Variants in NT5E observed in about 807,000 individuals in gnomAD.
NT5E encodes the protein 5'-nucleotidase ecto.
A neutral mutation model predicts 55.1 loss-of-function variants in NT5E; 53 were observed. The ratio of observed to expected loss-of-function variants is 0.96; its 90% CI spans 0.77 to 1.21. The LOEUF (loss-of-function observed/expected upper bound fraction) is 1.21. Among genes scored for constraint, NT5E ranks in the 50% most tolerant of loss-of-function variants. The pLI is 0.00. For synonymous variants in NT5E, 270 were observed against 278.4 expected, an observed-to-expected ratio of 0.97 and a Z score of 0.30; for missense variants, 683 against 724.3, an observed-to-expected ratio of 0.94 and a Z score of 0.65.
intron 3 of NT5E, among the ~76,000 whole-genome samples, chr6:85,484,413 A>G (rs1769608047): frequency 6.6e-6 from 1 of 152,134 alleles, no homozygotes; most frequent in South Asian, 2.1e-4. Flanking sequence ...ACCCTCCTGC[A>G]TACTCTCCAC....
chr6:85,455,803 CAGTT>C (rs1768977038), intron 1 of NT5E, among the ~76,000 whole-genome samples: 1 of 152,268 alleles, frequency 6.6e-6, no homozygotes, highest in African/African-American at 2.4e-5. Context: ...ATAGGACACT[CAGTT>C]TGTGTTTTCT....
At chr6:85,456,471 CT>C (rs1188153358) in intron 1 of NT5E, among the ~76,000 whole-genome samples, 2 of 152,188 alleles carry the variant, frequency 1.3e-5, no homozygotes, top group Non-Finnish European at 2.9e-5. Context: ...GCATTTGAGC[CT>C]TCTCACTTGT....
At chr6:85,484,715 A>G (rs926371760) in intron 3 of NT5E, among the ~76,000 whole-genome samples, 2 of 152,176 alleles carry the variant, frequency 1.3e-5, no homozygotes, top group Non-Finnish European at 2.9e-5. Flanking sequence ...ATTCCCTTAT[A>G]AGGGAAAAAA....
chr6:85,491,184 C>T, intron 7 of NT5E: 1 of 463,572 alleles, frequency 2.2e-6, no homozygotes. Flanking sequence ...GAAAACCTTT[C>T]CTGTTTATCT....
intron 1 of NT5E, among the ~76,000 whole-genome samples, chr6:85,454,665 T>C (rs1768953460): frequency 6.6e-6 from 1 of 152,232 alleles, no homozygotes; most frequent in Non-Finnish European, 1.5e-5. Context: ...TTTCTTGTAA[T>C]TGAATTAATC....
At chr6:85,468,779 G>A (rs896236488) in intron 2 of NT5E, among the ~76,000 whole-genome samples, 12 of 152,286 alleles carry the variant, frequency 7.9e-5, no homozygotes, top group African/African-American at 2.6e-4. Context: ...GGAGGTAGGA[G>A]GTGCAGGTCT....
Position 85,494,059 on chromosome 6 carries a change from C to T in NT5E, c.*55C>T. The stretch of plus-strand genomic sequence containing the variant: ...AAACTGCATTTTTTCAAGTGAGATT[C>T]AAATCTGCCTTTTAGGACCTGGCTT... On this transcript the variant is annotated 3_prime_UTR_variant, in exon 9 of 9. Transcript: ENST00000257770. The T allele has an allele frequency of 1.9e-6, 3 of 1,571,670 alleles. No individual in the cohort carries two copies. The highest frequency in any genetic ancestry group is 2.6e-6 in the Non-Finnish European group (3 of 1,144,396).
In NT5E at chr6:85,473,269, G is replaced by A. The variant is rs111263322; in HGVS notation, c.751+1844G>A. ...TTTCAATGCCTGATTACCCTCATCT[G>A]TGGAATGAAGGTGATAACAACAGTA... On this transcript the variant is annotated intron_variant, in intron 3 of 8. Coordinates refer to ENST00000257770, the MANE Select transcript of NT5E (RefSeq NM_002526.4). Among the ~76,000 whole-genome samples the A allele has an allele frequency of 6.2e-3, 950 of 152,286 alleles. 7 individuals carry two copies. Among genetic ancestry groups the A allele is most frequent in the African/African-American group, 0.022 (901 of 41,546 alleles).
At chr6:85,492,915 G>A (rs1375683180) in intron 8 of NT5E, among the ~76,000 whole-genome samples, 2 of 152,170 alleles carry the variant, frequency 1.3e-5, no homozygotes, top group African/African-American at 2.4e-5. Context: ...CAAGGAGCGT[G>A]GAGGGCAGGA....
intron 1 of NT5E, 28 bp from the exon 2 acceptor site, chr6:85,467,032 T>A: frequency 6.3e-7 from 1 of 1,595,436 alleles, no homozygotes; most frequent in Non-Finnish European, 8.6e-7. Flanking sequence ...AAGCACCTAA[T>A]TCTTTTTCTC....
At position 85,492,013 on chromosome 6, in the gene NT5E, G is replaced by A. The variant is rs745585679; in HGVS notation, c.1397G>A (p.Gly466Glu). The change falls in exon 8 of 9, where the codon GGA becomes GAA. Residue 466 changes from glycine (G) to glutamate (E), a missense_variant. Transcript: ENST00000257770. ...GTGTATGATCTTTCCCGAAAACCTGGAGACAGAGTAGTCAAATTAGATGTT... is the reference window on the plus strand; with the variant it reads ...GTGTATGATCTTTCCCGAAAACCTGAAGACAGAGTAGTCAAATTAGATGTT... ...HVVYDLSRKPGDRVVKLDVLC... is the reference protein window; with the variant it reads ...HVVYDLSRKPEDRVVKLDVLC... 4.3e-6 allele frequency: 7 copies of A among 1,614,170 alleles called. No homozygotes were observed. In the East Asian group the frequency reaches 1.6e-4, roughly 36 times the overall value.
At chr6:85,491,348 T>TA (rs1769779020) in intron 7 of NT5E, 1 of 338,352 alleles carries the variant, frequency 3.0e-6, no homozygotes, top group South Asian at 2.3e-5. Flanking sequence ...CTCATTTTTT[T>TA]AACCTTAGGT....
At chr6:85,480,403 G>T (rs1398205574) in intron 3 of NT5E, among the ~76,000 whole-genome samples, 1 of 152,338 alleles carries the variant, frequency 6.6e-6, no homozygotes, top group Middle Eastern at 3.4e-3. Flanking sequence ...AAGTTGACAT[G>T]ACAGCTTGTG....
At position 85,495,361 on chromosome 6, in the gene NT5E, A is replaced by C. The variant is rs1357450166; in HGVS notation, c.*1357A>C. 2.6e-5 allele frequency: 4 copies of C among 152,230 alleles called. No homozygotes were observed. The East Asian group carries it at 5.8e-4, about 22-fold the overall frequency. 9.4% of individuals were successfully genotyped at this position (152,230 alleles called of 1,614,324 possible). Reference sequence around the variant, plus strand: ...TGAGCCTGCTCAGCTCTGCATAAGTAATTCAAGAAATGGGAGGCTTCACCT... The same window carrying C: ...TGAGCCTGCTCAGCTCTGCATAAGTCATTCAAGAAATGGGAGGCTTCACCT... On this transcript the variant is annotated 3_prime_UTR_variant, in exon 9 of 9. Transcript: ENST00000257770.
chr6:85,471,422 A>C lies in NT5E; in HGVS notation c.748A>C (p.Thr250Pro). Residue 250 changes from threonine (T) to proline (P), a missense_variant, in exon 3 of 9, where the codon ACA (threonine) becomes CCA (proline). By Grantham distance (38) the Thr-to-Pro change is conservative. Coordinates refer to ENST00000257770, the MANE Select transcript of NT5E (RefSeq NM_002526.4). ...AGGACACTCCAACACATTTCTTTAC[A>C]CAGGTAATTGTTTCAAAAGGATTGC... The part of the protein sequence containing the change: ...VGGHSNTFLY[T>P]GNPPSKEVPA... 6.2e-7 allele frequency: 1 copy of C among 1,612,140 alleles called. No individual in the cohort carries two copies. The highest frequency in any genetic ancestry group is 8.5e-7 in the Non-Finnish European group (1 of 1,178,712).
intron 3 of NT5E, among the ~76,000 whole-genome samples, chr6:85,484,301 T>C (rs1226357964): frequency 6.6e-6 from 1 of 152,200 alleles, no homozygotes; most frequent in Non-Finnish European, 1.5e-5. Flanking sequence ...GGAGGTAAGA[T>C]ATAAGCCACA....
intron 3 of NT5E, among the ~76,000 whole-genome samples, chr6:85,472,477 G>C (rs1197848229): frequency 2.0e-5 from 3 of 152,106 alleles, no homozygotes; most frequent in African/African-American, 7.2e-5. Context: ...TTATAAAAAG[G>C]AAAGAAACAC....
Position 85,490,624 on chromosome 6 carries a change from G to A in NT5E, c.1327G>A (p.Gly443Ser), listed in dbSNP as rs373069568. ...KAFEHSVHRYGQSTGEFLQVG... is the reference protein window; with the variant it reads ...KAFEHSVHRYSQSTGEFLQVG... ...CTTTGAGCATAGCGTGCACCGCTAC[G>A]GCCAGTCCACTGGAGAGTTCCTGCA... The change falls in exon 7 of 9, where the codon GGC becomes AGC. Residue 443 changes from glycine (G) to serine (S), a missense_variant. Gly to Ser is a moderately conservative substitution (Grantham distance 56). Transcript: ENST00000257770. The A allele has an allele frequency of 3.4e-5, 55 of 1,614,110 alleles. No individual in the cohort carries two copies. Among genetic ancestry groups the A allele is most frequent in the East Asian group, 4.5e-5 (2 of 44,864 alleles).
chr6:85,467,344 A>G, intron 2 of NT5E, 62 bp downstream of exon 2: 1 of 1,353,064 alleles, frequency 7.4e-7, no homozygotes, highest in Non-Finnish European at 1.1e-6. Context: ...ACAGCTTGGC[A>G]TTATATTTAT....
Sources: allele counts gnomAD v4.1 joint callset (sites outside exome capture counted in the v4.1 genomes callset), GRCh38; gene constraint gnomAD v4.1.1; transcripts MANE v1.5; gene names NCBI Gene and HGNC (gene_info 2026-07-23, HGNC 2026-07-21).